Variants in CDH12 observed in about 807,000 individuals in gnomAD.
The protein encoded by CDH12 is cadherin 12, also known as cadherin-12.
A neutral mutation model predicts 74.1 loss-of-function variants in CDH12; 41 were observed. The observed-to-expected ratio is 0.55, with a 90% CI of 0.43 to 0.72. The LOEUF is 0.72. Among genes scored for constraint, CDH12 ranks in the 30% least tolerant of loss-of-function variants. The probability of loss-of-function intolerance (pLI) is 0.00; values close to 1 mark genes in which losing one functional copy is unlikely to be tolerated. For missense variants in CDH12, 945 were observed against 977.2 expected (o/e 0.97, Z 0.44); for synonymous variants, 399 against 355.0 (o/e 1.12, Z -1.39).
At chr5:21,797,789 C>A (rs1162333353) in intron 10 of CDH12, among the ~76,000 whole-genome samples, 1 of 152,102 alleles carries the variant, frequency 6.6e-6, no homozygotes, top group Non-Finnish European at 1.5e-5. Context: ...GAACGTGTAT[C>A]TTTACCTAAT....
At chr5:22,614,297 T>C (rs1737572382) in intron 1 of CDH12, among the ~76,000 whole-genome samples, 1 of 152,096 alleles carries the variant, frequency 6.6e-6, no homozygotes, top group South Asian at 2.1e-4. Context: ...CAGACATACA[T>C]TATTCAGATG....
At chr5:21,944,644 T>C (rs1755487308) in intron 6 of CDH12, among the ~76,000 whole-genome samples, 1 of 152,242 alleles carries the variant, frequency 6.6e-6, no homozygotes, top group African/African-American at 2.4e-5. Flanking sequence ...GGGTCTTTAA[T>C]GATCAGTTCT....
chr5:22,007,208 T>G (rs2150149246), intron 5 of CDH12, among the ~76,000 whole-genome samples: 1 of 152,306 alleles, frequency 6.6e-6, no homozygotes, highest in East Asian at 1.9e-4. Flanking sequence ...TATCTTCTCG[T>G]GTATTAACAT....
chr5:22,349,004 G>A (rs1740241728), intron 3 of CDH12, among the ~76,000 whole-genome samples: 1 of 152,188 alleles, frequency 6.6e-6, no homozygotes, highest in South Asian at 2.1e-4. Flanking sequence ...GGTATTGGGA[G>A]GTGATTAAGT....
At chr5:21,944,393 G>A (rs990984524) in intron 6 of CDH12, among the ~76,000 whole-genome samples, 5 of 152,066 alleles carry the variant, frequency 3.3e-5, no homozygotes, top group African/African-American at 1.2e-4. Flanking sequence ...ATTACATACT[G>A]GTACTATATG....
intron 5 of CDH12, among the ~76,000 whole-genome samples, chr5:21,979,624 G>A (rs899429800): frequency 3.9e-5 from 6 of 151,996 alleles, no homozygotes; most frequent in African/African-American, 1.5e-4. Context: ...CACATAAAAT[G>A]GAAAATGCTT....
At chr5:22,396,495 G>T (rs956729572) in intron 3 of CDH12, among the ~76,000 whole-genome samples, 1 of 152,224 alleles carries the variant, frequency 6.6e-6, no homozygotes, top group Non-Finnish European at 1.5e-5. Flanking sequence ...TATTAGAAAA[G>T]GTTTAGGGAG....
intron 3 of CDH12, among the ~76,000 whole-genome samples, chr5:22,372,583 A>G (rs973803324): frequency 2.0e-5 from 3 of 152,100 alleles, no homozygotes; most frequent in Admixed American, 1.3e-4. Context: ...GAGCCCCCGA[A>G]GGACTGCCAA....
At chr5:22,587,483 C>G (rs768715559) in intron 1 of CDH12, among the ~76,000 whole-genome samples, 29 of 152,126 alleles carry the variant, frequency 1.9e-4, no homozygotes, top group Non-Finnish European at 3.5e-4. Flanking sequence ...TCATCAAGGG[C>G]TAGCTGTGTC....
intron 9 of CDH12, among the ~76,000 whole-genome samples, chr5:21,808,243 G>T (rs1402027530): frequency 6.6e-6 from 1 of 151,968 alleles, no homozygotes; most frequent in Non-Finnish European, 1.5e-5. Context: ...CCCCAATCAC[G>T]CCTTGATTTC....
intron 6 of CDH12, among the ~76,000 whole-genome samples, chr5:21,872,091 C>T (rs962885384): frequency 9.9e-5 from 15 of 152,210 alleles, no homozygotes; most frequent in African/African-American, 4.8e-5. Context: ...AGAAATGATG[C>T]CTCCTTGAAC....
intron 5 of CDH12, among the ~76,000 whole-genome samples, chr5:22,016,691 T>G (rs1014581869): frequency 1.3e-5 from 2 of 152,056 alleles, no homozygotes; most frequent in African/African-American, 4.8e-5. Flanking sequence ...CGGCCTTGTA[T>G]AAGGTTTTAA....
intron 4 of CDH12, among the ~76,000 whole-genome samples, chr5:22,195,624 T>G (rs1187735924): frequency 6.6e-6 from 1 of 152,194 alleles, no homozygotes; most frequent in Admixed American, 6.5e-5. Context: ...CCTCATTTAA[T>G]TCTCAATACA....
intron 1 of CDH12, among the ~76,000 whole-genome samples, chr5:22,773,739 G>C (rs1746937014): frequency 6.6e-6 from 1 of 151,908 alleles, no homozygotes; most frequent in African/African-American, 2.4e-5. Context: ...ACTGAAAACT[G>C]TGCACACAAC....
At chr5:21,917,410 C>A (rs13162273) in intron 6 of CDH12, among the ~76,000 whole-genome samples, 103,347 of 152,126 alleles carry the variant, frequency 0.68, 38,031 homozygotes, top group East Asian at 0.93. Context: ...GCTACTGCAG[C>A]TCTGAAGTCA....
intron 6 of CDH12, among the ~76,000 whole-genome samples, chr5:21,862,410 T>C (rs931079884): frequency 1.3e-5 from 2 of 152,154 alleles, no homozygotes; most frequent in African/African-American, 4.8e-5. Flanking sequence ...TTAAAATCAT[T>C]CTTATTGGTA....
intron 4 of CDH12, among the ~76,000 whole-genome samples, chr5:22,142,069 A>G (rs1328663129): frequency 1.3e-5 from 2 of 152,170 alleles, no homozygotes; most frequent in Non-Finnish European, 2.9e-5. Context: ...AAACTGGAAC[A>G]GGGAACATTG....
intron 13 of CDH12, among the ~76,000 whole-genome samples, chr5:21,756,963 A>G (rs181421691): frequency 6.6e-6 from 1 of 152,276 alleles, no homozygotes; most frequent in Admixed American, 6.5e-5. Flanking sequence ...TATTAATTGA[A>G]TCAACATTTA....
At chr5:22,705,079 G>A (rs764374914) in intron 1 of CDH12, among the ~76,000 whole-genome samples, 20 of 147,630 alleles carry the variant, frequency 1.4e-4, no homozygotes, top group Non-Finnish European at 2.8e-4. Context: ...GGGGGGAGTG[G>A]AGTTACATAT....
Sources: gnomAD v4.1 joint callset for allele counts (sites outside exome capture counted in the v4.1 genomes callset) on GRCh38, gnomAD v4.1.1 for gene constraint, MANE v1.5 for transcripts, NCBI Gene and HGNC (gene_info 2026-07-23, HGNC 2026-07-21) for gene names.